The following DIAPH1 variants were observed in gnomAD, a reference collection of about 807,000 sequenced individuals.
DIAPH1 encodes protein diaphanous homolog 1.
DIAPH1 carries 46 observed loss-of-function variants against 140.7 expected under a neutral mutation model. That is an observed-to-expected ratio of 0.33 (90% CI 0.26 to 0.42). DIAPH1 has a LOEUF of 0.42. Ranked by LOEUF, DIAPH1 falls within the 10% of genes least tolerant of loss-of-function variation. The pLI, the probability that DIAPH1 is intolerant of heterozygous loss-of-function variation, is 1.00. For missense variants in DIAPH1, 1,310 were observed against 1,558.7 expected, an observed-to-expected ratio of 0.84 and a Z score of 2.69; for synonymous variants, 565 against 551.6, an observed-to-expected ratio of 1.02 and a Z score of -0.34.
intron 2 of DIAPH1, chr5:141,587,576 A>C: frequency 3.6e-6 from 1 of 279,014 alleles, no homozygotes; most frequent in Non-Finnish European, 6.9e-6. Flanking sequence ...CCCAACAATA[A>C]ATGTTGCTAG....
chr5:141,528,068 G>A (rs964369259), intron 23 of DIAPH1, among the ~76,000 whole-genome samples: 7 of 152,144 alleles, frequency 4.6e-5, no homozygotes, highest in African/African-American at 1.2e-4. Context: ...ATATAGAGGC[G>A]GGGGCAGAAA....
At chr5:141,566,168 G>A (rs2099894340) in intron 18 of DIAPH1, among the ~76,000 whole-genome samples, 1 of 152,190 alleles carries the variant, frequency 6.6e-6, no homozygotes, top group Non-Finnish European at 1.5e-5. Context: ...AGCAAAGGGA[G>A]TAAGGTAAAA....
chr5:141,595,208 G>A (rs895359771), intron 1 of DIAPH1, among the ~76,000 whole-genome samples: 1 of 152,218 alleles, frequency 6.6e-6, no homozygotes, highest in Non-Finnish European at 1.5e-5. Flanking sequence ...ATAGAGCACA[G>A]AGGGTTTTTA....
chr5:141,612,302 G>C (rs2099901973), intron 1 of DIAPH1, among the ~76,000 whole-genome samples: 2 of 152,170 alleles, frequency 1.3e-5, no homozygotes, highest in African/African-American at 4.8e-5. Context: ...TTCCACTCAT[G>C]GGTACTTACC....
chr5:141,552,840 C>T (rs973765492), intron 18 of DIAPH1, among the ~76,000 whole-genome samples: 1 of 152,100 alleles, frequency 6.6e-6, no homozygotes, highest in Non-Finnish European at 1.5e-5. Context: ...CAAGAGAAGG[C>T]GAGAGGCCTC....
rs1311391984 is a variant in DIAPH1, at chr5:141,618,873, G to C, written c.42C>G (p.Thr14=). ...GGCTCCGGCCCTTCTTCTTGTCCCG[G>C]GTCCCGCGGCCGGGCCCCAGGCTCC... ...PGGSLGPGRG[T]RDKKKGRSPD... Residue 14 remains threonine (T), a synonymous_variant, in exon 1 of 28, where the codon ACC becomes ACG. Transcript: ENST00000389054. 2 of 1,523,582 alleles carry C rather than the reference G, an allele frequency of 1.3e-6. No individual in the cohort carries two copies. Among genetic ancestry groups the C allele is most frequent in the Non-Finnish European group, 1.8e-6 (2 of 1,135,436 alleles). The allele number at this position is 1,523,582 out of a possible 1,614,324, so 94.4% of individuals were successfully genotyped here.
intron 27 of DIAPH1, 42 bp downstream of exon 27, chr5:141,524,101 A>G (rs1596335454): frequency 6.4e-7 from 1 of 1,557,984 alleles, no homozygotes; most frequent in Admixed American, 1.7e-5. Context: ...GAGAGCCCTC[A>G]CCCCCTTCGA....
intron 19 of DIAPH1, among the ~76,000 whole-genome samples, chr5:141,533,478 C>T (rs1240056043): frequency 6.6e-6 from 1 of 152,122 alleles, no homozygotes; most frequent in Non-Finnish European, 1.5e-5. Flanking sequence ...CTGAGAAGTA[C>T]AAAATTTACC....
At position 141,526,038 on chromosome 5, in the gene DIAPH1, C is replaced by G. The variant is rs1446631593; in HGVS notation, c.3574G>C (p.Glu1192Gln). Reference protein sequence around the residue: ...KREQLIDMNAEGDETGVMDSL... With the variant: ...KREQLIDMNAQGDETGVMDSL... ...CCATCAACCCGTCTTCACTCCTCAC[C>G]TGCATTCATGTCTATGAGTTGCTCT... The change falls in exon 26 of 28, where the codon GAG becomes CAG. Residue 1192 changes from glutamate to glutamine, a missense_variant and splice_region_variant. By Grantham distance (29) the Glu-to-Gln change is conservative. Transcript: ENST00000389054. 6.2e-7 allele frequency: 1 copy of G among 1,614,038 alleles called. No individual in the cohort carries two copies. The highest frequency in any genetic ancestry group is 1.7e-5 in the Admixed American group (1 of 60,024).
intron 1 of DIAPH1, among the ~76,000 whole-genome samples, chr5:141,603,429 A>G (rs1367866490): frequency 3.3e-5 from 5 of 152,268 alleles, no homozygotes; most frequent in Admixed American, 3.3e-4. Context: ...AAACATAGTA[A>G]AAGACAGTCC....
Position 141,528,524 on chromosome 5 carries a change from A to G in DIAPH1, c.3077T>C (p.Leu1026Ser), listed in dbSNP as rs566236870. ...KMTLLHFLAELCENDYPDVLK... is the reference protein window; with the variant it reads ...KMTLLHFLAESCENDYPDVLK... Reference sequence around the variant, plus strand: ...GACATCGGGATAGTCATTCTCACACAACTCAGCCAAGAAGTGTAACAACGT... The same window carrying G: ...GACATCGGGATAGTCATTCTCACACGACTCAGCCAAGAAGTGTAACAACGT... Residue 1026 changes from leucine to serine, a missense_variant, in exon 23 of 28, where the codon TTG becomes TCG. Leu to Ser is a moderately radical substitution (Grantham distance 145). Transcript: ENST00000389054. 3.1e-6 allele frequency: 5 copies of G among 1,614,192 alleles called. No individual in the cohort carries two copies. In the East Asian group the frequency reaches 6.7e-5, roughly 22 times the overall value.
Position 141,534,521 on chromosome 5 carries a change from C to T in DIAPH1, c.2483-88G>A. 8.4e-6 allele frequency: 8 copies of T among 956,730 alleles called. No homozygotes were observed. In the South Asian group the frequency reaches 1.0e-4, roughly 12 times the overall value. 59.3% of individuals were successfully genotyped at this position (956,730 alleles called of 1,614,324 possible). ...AACTACTGTCCAGCGTGAAATGGCC[C>T]CTCACTTCCTCTCTATTATAATGGT... On this transcript the variant is annotated intron_variant, in intron 18 of 27. Transcript: ENST00000389054.
intron 1 of DIAPH1, among the ~76,000 whole-genome samples, chr5:141,613,400 C>T (rs1019011980): frequency 6.6e-6 from 1 of 152,176 alleles, no homozygotes; most frequent in East Asian, 1.9e-4. Flanking sequence ...ACTACTCCAG[C>T]CATTCCCAAG....
At chr5:141,538,040 A>AG (rs1338833113) in intron 18 of DIAPH1, among the ~76,000 whole-genome samples, 1 of 148,348 alleles carries the variant, frequency 6.7e-6, no homozygotes, top group Non-Finnish European at 1.5e-5. Flanking sequence ...TACAGGCATG[A>AG]GCCACCATGC....
intron 16 of DIAPH1, among the ~76,000 whole-genome samples, 154 bp from the exon 17 acceptor site, chr5:141,572,194 G>A (rs1344905386): frequency 1.3e-5 from 2 of 152,110 alleles, no homozygotes; most frequent in African/African-American, 2.4e-5. Context: ...AGCTGCAGTG[G>A]GATTAGGAGA....
intron 18 of DIAPH1, among the ~76,000 whole-genome samples, chr5:141,551,817 C>G (rs1018769651): frequency 1.3e-5 from 2 of 152,148 alleles, no homozygotes; most frequent in Non-Finnish European, 2.9e-5. Context: ...TGGAGACATA[C>G]AGAACACTTC....
chr5:141,536,042 G>A (rs1286627278), intron 18 of DIAPH1: 8 of 468,676 alleles, frequency 1.7e-5, no homozygotes, highest in Admixed American at 1.4e-4. Context: ...GCTCACACCT[G>A]TAATCCCAGC....
intron 18 of DIAPH1, among the ~76,000 whole-genome samples, chr5:141,552,196 T>G (rs978031800): frequency 2.2e-4 from 34 of 151,746 alleles, no homozygotes; most frequent in African/African-American, 7.7e-4. Context: ...TTTTGTTGTT[T>G]TTTTTTTTTT....
intron 26 of DIAPH1, 140 bp downstream of exon 26, chr5:141,525,898 A>G (rs999705999): frequency 2.2e-6 from 3 of 1,354,108 alleles, no homozygotes; most frequent in South Asian, 1.2e-5. Flanking sequence ...AAAGTCCGGC[A>G]TCAGGATCTC....
Sources: gnomAD v4.1 joint callset for allele counts (sites outside exome capture counted in the v4.1 genomes callset) on GRCh38, gnomAD v4.1.1 for gene constraint, MANE v1.5 for transcripts, NCBI Gene and HGNC (gene_info 2026-07-23, HGNC 2026-07-21) for gene names.